MAP3K3: variants seen among roughly 807,000 people sequenced by gnomAD.
MAP3K3 encodes MAP/ERK kinase kinase 3.
MAP3K3 carries 12 observed loss-of-function variants against 80.9 expected under a neutral mutation model. That is an observed-to-expected ratio of 0.15 (90% CI 0.10 to 0.24). The LOEUF (loss-of-function observed/expected upper bound fraction) is 0.24, where lower values mean the gene tolerates loss of function less well. MAP3K3 is among the 10% of genes least tolerant of loss of function. MAP3K3 has a pLI of 1.00. For missense variants in MAP3K3, 596 were observed against 834.7 expected (o/e 0.71, Z 3.52); for synonymous variants, 272 against 307.1 (o/e 0.89, Z 1.19).
chr17:63,626,803 G>T (rs181791539), intron 1 of MAP3K3, among the ~76,000 whole-genome samples: 1 of 152,196 alleles, frequency 6.6e-6, no homozygotes, highest in African/African-American at 2.4e-5. Flanking sequence ...GCGATCAGAC[G>T]ATCTGGTGGA....
In MAP3K3 at chr17:63,692,415, G is replaced by A; in HGVS notation, c.1648G>A (p.Val550Met). ...SGEGYGRKAD[V>M]WSLGCTVVEM... ...CGAGGGCTATGGAAGGAAAGCAGAC[G>A]TGTGGTGAGCACTGGGACATGCAGA... is the stretch of plus-strand genomic sequence containing the variant. Residue 550 changes from valine to methionine, a missense_variant, in exon 15 of 16, where the codon GTG becomes ATG. Transcript: ENST00000361733. The surrounding 1 kb of genome is among the most constrained non-coding windows in gnomAD (Gnocchi z 4.5). 1 of 1,605,022 alleles carries A rather than the reference G, an allele frequency of 6.2e-7. No homozygotes were observed. Among genetic ancestry groups the A allele is most frequent in the Non-Finnish European group, 8.5e-7 (1 of 1,174,390 alleles).
chr17:63,674,540 G>A (rs569312173), intron 6 of MAP3K3, among the ~76,000 whole-genome samples: 9 of 152,240 alleles, frequency 5.9e-5, no homozygotes, highest in African/African-American at 1.9e-4. Context: ...GTAGAGATGA[G>A]TTCTCACTAT....
chr17:63,671,875 T>C (rs1022345315), intron 6 of MAP3K3, among the ~76,000 whole-genome samples: 1 of 152,086 alleles, frequency 6.6e-6, no homozygotes, highest in Non-Finnish European at 1.5e-5. Context: ...AGAATTACTA[T>C]AGTATTGGAT....
intron 2 of MAP3K3, among the ~76,000 whole-genome samples, chr17:63,638,659 A>T (rs1190948867): frequency 6.6e-6 from 1 of 152,140 alleles, no homozygotes; most frequent in Non-Finnish European, 1.5e-5. Context: ...AGCTGCTTAG[A>T]CCTGAATTTC....
At chr17:63,676,444 T>G (rs1050119223) in intron 6 of MAP3K3, among the ~76,000 whole-genome samples, 1 of 152,256 alleles carries the variant, frequency 6.6e-6, no homozygotes, top group Non-Finnish European at 1.5e-5. Context: ...TCATCCTGCC[T>G]AGGCATAGTT....
intron 1 of MAP3K3, among the ~76,000 whole-genome samples, chr17:63,630,469 A>T (rs965686759): frequency 1.6e-4 from 25 of 152,136 alleles, no homozygotes; most frequent in African/African-American, 5.8e-4. Flanking sequence ...CTGAGCCTAC[A>T]GCGTGCACCA....
chr17:63,689,882 C>A lies in MAP3K3; in HGVS notation c.1063+147C>A. On this transcript the variant is annotated intron_variant, in intron 11 of 15. Coordinates refer to ENST00000361733, the MANE Select transcript of MAP3K3 (RefSeq NM_002401.5). This position sits in a 1 kb window ranked among gnomAD's most constrained non-coding sequence, Gnocchi z 4.3. Reference sequence around the variant, plus strand: ...CCACATGGGATAAGCCTTGGAGTGTCTGAAGCCTGGCTCCACTATTGTGTG... The same window carrying A: ...CCACATGGGATAAGCCTTGGAGTGTATGAAGCCTGGCTCCACTATTGTGTG... 1.4e-6 allele frequency: 1 copy of A among 711,940 alleles called. No individual in the cohort carries two copies. Among genetic ancestry groups the A allele is most frequent in the Non-Finnish European group, 2.3e-6 (1 of 439,424 alleles). The allele number at this position is 711,940 out of a possible 1,614,324, so 44.1% of individuals were successfully genotyped here.
chr17:63,679,614 C>G (rs540414457), intron 6 of MAP3K3, among the ~76,000 whole-genome samples: 1 of 152,144 alleles, frequency 6.6e-6, no homozygotes, highest in African/African-American at 2.4e-5. Context: ...TTCCAAGTAG[C>G]TGGGTCCACA....
chr17:63,688,174 G>A (rs1489877249), intron 8 of MAP3K3: 5 of 319,344 alleles, frequency 1.6e-5, no homozygotes, highest in Non-Finnish European at 2.4e-5. Flanking sequence ...GCCTATCAAC[G>A]ATGATGCTGT....
rs112105892 is a variant in MAP3K3, at chr17:63,690,439, A to C, written c.1212+27A>C. The C allele has an allele frequency of 1.4e-3, 2,175 of 1,605,648 alleles. 23 individuals are homozygous for C. The African/African-American group carries it at 0.023, about 17-fold the overall frequency. ...TACACTTAACCCGTGGTCTGACTTC[A>C]GTTCCCTCCTTTCAACAAAAATGCC... On this transcript the variant is annotated intron_variant, in intron 12 of 15. Transcript: ENST00000361733.
intron 6 of MAP3K3, among the ~76,000 whole-genome samples, chr17:63,679,217 GCA>G (rs199506647): frequency 6.6e-6 from 1 of 151,542 alleles, no homozygotes; most frequent in Non-Finnish European, 1.5e-5. Context: ...TCCTAAAAGT[GCA>G]CACACACACA....
At chr17:63,628,810 G>T (rs1482583460) in intron 1 of MAP3K3, among the ~76,000 whole-genome samples, 2 of 152,138 alleles carry the variant, frequency 1.3e-5, no homozygotes, top group South Asian at 2.1e-4. Flanking sequence ...ATTTATAAAA[G>T]TTCAGTAATA....
At chr17:63,662,719 G>T (rs922315318) in intron 5 of MAP3K3, among the ~76,000 whole-genome samples, 1 of 142,382 alleles carries the variant, frequency 7.0e-6, no homozygotes, top group African/African-American at 2.7e-5. Context: ...GTGCAGTGGC[G>T]CAATCTCAGC....
intron 6 of MAP3K3, among the ~76,000 whole-genome samples, chr17:63,675,942 T>C (rs1568146414): frequency 6.6e-6 from 1 of 152,352 alleles, no homozygotes; most frequent in East Asian, 1.9e-4. Context: ...CCTGTTTAGC[T>C]CCCTGTCTCA....
At chr17:63,684,187 C>T (rs564623042) in intron 7 of MAP3K3, among the ~76,000 whole-genome samples, 2 of 152,272 alleles carry the variant, frequency 1.3e-5, no homozygotes, top group East Asian at 3.9e-4. Context: ...ACGTCCTTCA[C>T]TCCCTGCTTG....
intron 3 of MAP3K3, among the ~76,000 whole-genome samples, chr17:63,650,694 GAGTTT>G (rs2034636023): frequency 7.4e-6 from 1 of 135,112 alleles, no homozygotes. Context: ...GAGAGAGAGA[GAGTTT>G]TTTTTTTTTT....
chr17:63,689,545 C>A lies in MAP3K3; in HGVS notation c.873C>A (p.Gly291=). 1 of 1,612,002 alleles carries A rather than the reference C, an allele frequency of 6.2e-7. No homozygotes were observed. Among genetic ancestry groups the A allele is most frequent in the Non-Finnish European group, 8.5e-7 (1 of 1,178,852 alleles). Residue 291 remains glycine (G), a splice_region_variant and synonymous_variant, in exon 11 of 16, where the codon GGC becomes GGA. Coordinates refer to ENST00000361733, the MANE Select transcript of MAP3K3 (RefSeq NM_002401.5). The surrounding 1 kb of genome is among the most constrained non-coding windows in gnomAD (Gnocchi z 4.3). The stretch of plus-strand genomic sequence containing the variant: ...CCTCTGGCCCTTGCACCCTTTCAGG[C>A]AGAAGAACATTTCCCCGAATACGGC... The part of the protein sequence containing the change: ...VSVHHKDYSD[G]RRTFPRIRRH...
At position 63,623,932 on chromosome 17, in the gene MAP3K3, A is replaced by G. The variant is rs149921101; in HGVS notation, c.4+1169A>G. ...TTTTGTAGGAGGTTAACTGTACGCT[A>G]TGTCAAATTCGCCAGATATTGTTTT... On this transcript the variant is annotated intron_variant, in intron 1 of 15. Transcript: ENST00000361733. 4.8e-3 allele frequency among the ~76,000 whole-genome samples: 731 copies of G among 152,306 alleles called. 2 individuals are homozygous for G. Among genetic ancestry groups the G allele is most frequent in the Non-Finnish European group, 8.8e-3 (596 of 68,024 alleles).
chr17:63,689,719 G>A lies in MAP3K3; in HGVS notation c.1047G>A (p.Arg349=). ...DSENALSVQE[R]NVPTKSPSAP... is the part of the protein sequence containing the mutation. The stretch of plus-strand genomic sequence containing the variant: ...AGAATGCCCTCTCTGTGCAGGAGAG[G>A]AATGTGCCAACCAAGTGTGAGGAGC... The change falls in exon 11 of 16, where the codon AGG becomes AGA. Residue 349 remains arginine, a synonymous_variant. Coordinates refer to ENST00000361733, the MANE Select transcript of MAP3K3 (RefSeq NM_002401.5). This position sits in a 1 kb window ranked among gnomAD's most constrained non-coding sequence, Gnocchi z 4.3. The A allele has an allele frequency of 6.2e-7, 1 of 1,613,152 alleles. No individual in the cohort carries two copies. Among genetic ancestry groups the A allele is most frequent in the Non-Finnish European group, 8.5e-7 (1 of 1,179,474 alleles).
Sources: allele counts gnomAD v4.1 joint callset (sites outside exome capture counted in the v4.1 genomes callset), GRCh38; gene constraint gnomAD v4.1.1; non-coding constraint Gnocchi (gnomAD v3.1); transcripts MANE v1.5; gene names NCBI Gene and HGNC (gene_info 2026-07-23, HGNC 2026-07-21).